The following NFATC3 variants were observed in gnomAD, a reference collection of about 807,000 sequenced individuals.
The protein encoded by NFATC3 is nuclear factor of activated T-cells, cytoplasmic 3.
In NFATC3, 46 loss-of-function variants were observed where a neutral mutation model predicts 98.6. The observed-to-expected ratio is 0.47, with a 90% CI of 0.37 to 0.60. The LOEUF (loss-of-function observed/expected upper bound fraction) is 0.60. Among genes scored for constraint, NFATC3 ranks in the 20% least tolerant of loss-of-function variants. The pLI is 0.00. For missense variants in NFATC3, 1,256 were observed against 1,295.5 expected (o/e 0.97, Z 0.47); for synonymous variants, 512 against 472.2 (o/e 1.08, Z -1.09).
intron 3 of NFATC3, among the ~76,000 whole-genome samples, chr16:68,145,104 C>G (rs1445579146): frequency 1.3e-5 from 2 of 151,922 alleles, no homozygotes; most frequent in African/African-American, 4.8e-5. Flanking sequence ...CTATGCCTGG[C>G]CTAACAACCA....
chr16:68,099,059 G>A (rs1172198372), intron 1 of NFATC3, among the ~76,000 whole-genome samples: 1 of 152,204 alleles, frequency 6.6e-6, no homozygotes, highest in African/African-American at 2.4e-5. Context: ...AATTTTACAT[G>A]CACTGATTTG....
intron 1 of NFATC3, among the ~76,000 whole-genome samples, chr16:68,106,739 G>GT (rs757410350): frequency 4.0e-4 from 59 of 148,656 alleles, no homozygotes; most frequent in Admixed American, 9.3e-4. Flanking sequence ...TTTTTTTTTT[G>GT]TTGTTTTTTT....
chr16:68,103,608 A>G (rs973945697), intron 1 of NFATC3, among the ~76,000 whole-genome samples: 5 of 152,196 alleles, frequency 3.3e-5, no homozygotes, highest in Admixed American at 6.5e-5. Flanking sequence ...ACTATTAAGA[A>G]TCCATCGCCA....
In NFATC3 at chr16:68,092,345, A is replaced by G. The variant is rs1598341680; in HGVS notation, c.103+6561A>G. Among the ~76,000 whole-genome samples, 6 of 151,604 alleles carry G rather than the reference A, an allele frequency of 4.0e-5. No individual in the cohort carries two copies. In the South Asian group the frequency reaches 1.0e-3, roughly 26 times the overall value. On this transcript the variant is annotated intron_variant, in intron 1 of 9. Coordinates refer to ENST00000346183, the MANE Select transcript of NFATC3 (RefSeq NM_173165.3). Reference sequence around the variant, plus strand: ...GGTGGCGGGCGCTGTAATCCCGGCTACTTGGGAGGCTGAGGCAGAATTGCT... The same window carrying G: ...GGTGGCGGGCGCTGTAATCCCGGCTGCTTGGGAGGCTGAGGCAGAATTGCT...
intron 3 of NFATC3, among the ~76,000 whole-genome samples, chr16:68,143,209 T>TAAA (rs5817630): frequency 1.8e-4 from 9 of 49,754 alleles, no homozygotes; most frequent in African/African-American, 3.0e-4. Flanking sequence ...AAGACCATGC[T>TAAA]AAAAAAAAAA....
chr16:68,167,718 C>T (rs773955416), intron 5 of NFATC3, among the ~76,000 whole-genome samples: 27 of 143,244 alleles, frequency 1.9e-4, no homozygotes, highest in Non-Finnish European at 4.1e-4. Flanking sequence ...AGGTTATTTG[C>T]TTTTTAGTGA....
chr16:68,139,351 A>G (rs972639498), intron 3 of NFATC3, among the ~76,000 whole-genome samples: 6 of 152,200 alleles, frequency 3.9e-5, no homozygotes, highest in African/African-American at 7.2e-5. Flanking sequence ...AAAGTTAGCT[A>G]GTATCATTAC....
At chr16:68,220,290 G>A (rs1373229684) in intron 9 of NFATC3, among the ~76,000 whole-genome samples, 2 of 152,126 alleles carry the variant, frequency 1.3e-5, no homozygotes, top group East Asian at 1.9e-4. Flanking sequence ...TTGAGAGGCC[G>A]AGGTGGCCAG....
intron 8 of NFATC3, among the ~76,000 whole-genome samples, chr16:68,186,604 A>G (rs1320782453): frequency 6.6e-6 from 1 of 152,202 alleles, no homozygotes; most frequent in Non-Finnish European, 1.5e-5. Flanking sequence ...TTCTGAGACT[A>G]TCATTCTGTT....
intron 9 of NFATC3, chr16:68,221,187 A>G: frequency 6.2e-7 from 1 of 1,613,822 alleles, no homozygotes; most frequent in Non-Finnish European, 8.5e-7. Context: ...CATTTACATT[A>G]CATCATAGAT....
At chr16:68,164,434 C>A (rs954964235) in intron 4 of NFATC3, among the ~76,000 whole-genome samples, 1 of 152,082 alleles carries the variant, frequency 6.6e-6, no homozygotes, top group Non-Finnish European at 1.5e-5. Context: ...GGGAGAGCGC[C>A]TAATCTCTTT....
chr16:68,194,847 T>G (rs1195569787), intron 9 of NFATC3, among the ~76,000 whole-genome samples: 1 of 151,356 alleles, frequency 6.6e-6, no homozygotes, highest in Non-Finnish European at 1.5e-5. Context: ...TATTTCATTA[T>G]TTGAATATAT....
chr16:68,141,820 C>T (rs1194468569), intron 3 of NFATC3, among the ~76,000 whole-genome samples: 1 of 151,942 alleles, frequency 6.6e-6, no homozygotes, highest in Non-Finnish European at 1.5e-5. Flanking sequence ...TTTAATTAGG[C>T]CCCATTTATT....
intron 1 of NFATC3, among the ~76,000 whole-genome samples, chr16:68,114,224 C>T (rs758793702): frequency 2.0e-5 from 3 of 152,184 alleles, no homozygotes; most frequent in East Asian, 1.9e-4. Flanking sequence ...GTCAGGTTGT[C>T]GCTCTACCCT....
chr16:68,110,475 AT>A lies in NFATC3; in HGVS notation c.104-11504del, dbSNP rs532128341. Among the ~76,000 whole-genome samples the A allele has an allele frequency of 3.6e-3, 547 of 150,286 alleles. 6 individuals are homozygous for A. Among genetic ancestry groups the A allele is most frequent in the African/African-American group, 0.012 (504 of 40,784 alleles). ...AGGTGCCCACCACCACACCCGGCTA[AT>A]TTTTTTTGTATTTTTTTTTAGTAGA... On this transcript the variant is annotated intron_variant, in intron 1 of 9. Transcript: ENST00000346183.
chr16:68,178,935 A>G (rs573603672), intron 6 of NFATC3, among the ~76,000 whole-genome samples: 1 of 152,006 alleles, frequency 6.6e-6, no homozygotes, highest in South Asian at 2.1e-4. Context: ...GATCCCCTTC[A>G]TTTTCTAGGC....
In NFATC3 at chr16:68,228,240, A is replaced by G. The variant is rs548918416; in HGVS notation, c.*1769A>G. 2.6e-5 allele frequency: 4 copies of G among 152,334 alleles called. No individual in the cohort carries two copies. In the East Asian group the frequency reaches 7.7e-4, roughly 29 times the overall value. The allele number at this position is 152,334 out of a possible 1,614,324, so 9.4% of individuals were successfully genotyped here. A position where few individuals can be genotyped will look rare whatever the true frequency, so the allele number is the denominator to read the frequency against. ...CCCCTCTTGGAGCTGGGTGTTTTCAAATTTTCTTGAAAAGTGAGTTGTGTC... is the reference window on the plus strand; with the variant it reads ...CCCCTCTTGGAGCTGGGTGTTTTCAGATTTTCTTGAAAAGTGAGTTGTGTC... On this transcript the variant is annotated 3_prime_UTR_variant, in exon 10 of 10. Coordinates refer to ENST00000346183, the MANE Select transcript of NFATC3 (RefSeq NM_173165.3).
chr16:68,158,867 T>C (rs1265726360), intron 4 of NFATC3, among the ~76,000 whole-genome samples: 1 of 152,234 alleles, frequency 6.6e-6, no homozygotes, highest in East Asian at 1.9e-4. Context: ...TTAACAACTC[T>C]ACATCTCATT....
chr16:68,172,601 TAAG>T (rs2039515343), intron 5 of NFATC3, among the ~76,000 whole-genome samples: 1 of 151,864 alleles, frequency 6.6e-6, no homozygotes, highest in African/African-American at 2.4e-5. Context: ...GGTAACATAA[TAAG>T]ACCCTGTCTC....
Sources: gnomAD v4.1 joint callset for allele counts (sites outside exome capture counted in the v4.1 genomes callset) on GRCh38, gnomAD v4.1.1 for gene constraint, MANE v1.5 for transcripts, NCBI Gene and HGNC (gene_info 2026-07-23, HGNC 2026-07-21) for gene names.